ITIH1: variants seen among roughly 807,000 people sequenced by gnomAD.
ITIH1 encodes inter-alpha-trypsin inhibitor heavy chain 1.
Under a neutral mutation model 104.6 loss-of-function variants are expected in ITIH1, and 94 were observed. That is an observed-to-expected ratio of 0.90 (90% CI 0.76 to 1.07). ITIH1 has a LOEUF of 1.07. Ranked by LOEUF, ITIH1 falls within the 50% of genes least tolerant of loss-of-function variation. The probability of loss-of-function intolerance (pLI) is 0.00; values close to 1 mark genes in which losing one functional copy is unlikely to be tolerated. For synonymous variants in ITIH1, 455 were observed against 464.4 expected (o/e 0.98, Z 0.26); for missense variants, 1,193 against 1,181.4 (o/e 1.01, Z -0.14).
intron 2 of ITIH1, 95 bp downstream of exon 2, chr3:52,778,112 C>T: frequency 1.4e-6 from 2 of 1,396,540 alleles, no homozygotes; most frequent in Non-Finnish European, 2.0e-6. Context: ...CTATCAGGGC[C>T]ATAGGCATGG....
In ITIH1 at chr3:52,779,817, C is replaced by G; in HGVS notation, c.573+223C>G. 8.6e-7 allele frequency: 1 copy of G among 1,168,196 alleles called. No homozygotes were observed. 72.4% of individuals were successfully genotyped at this position (1,168,196 alleles called of 1,614,324 possible). ...AGCTTCGGTTTGCTCATCTGCTAGA[C>G]GGGGGGTTTCTGTGAGTCCCAGGAC... On this transcript the variant is annotated intron_variant, in intron 5 of 21. Coordinates refer to ENST00000273283, the MANE Select transcript of ITIH1 (RefSeq NM_002215.4). The surrounding 1 kb of genome is among the most constrained non-coding windows in gnomAD (Gnocchi z 4.4).
rs748842149 is a variant in ITIH1 at position 52,778,042 on chromosome 3, G to A, written c.138+25G>A. ...CGTGAGTAAGAGTCCTGGCAAAGGG[G>A]TCTGTGACAGAGCCCTTTTTACAGG... On this transcript the variant is annotated intron_variant, in intron 2 of 21. Transcript: ENST00000273283. 90 of 1,613,236 alleles carry A rather than the reference G, an allele frequency of 5.6e-5. 1 individual carries two copies. Among genetic ancestry groups the A allele is most frequent in the Non-Finnish European group, 6.9e-5 (81 of 1,179,246 alleles).
chr3:52,781,264 T>G (rs1408481398), intron 6 of ITIH1, among the ~76,000 whole-genome samples: 26 of 132,464 alleles, frequency 2.0e-4, no homozygotes, highest in East Asian at 4.3e-4. Context: ...TTCTTCTTCT[T>G]CTTCTTCTTC....
chr3:52,788,066 G>T lies in ITIH1; in HGVS notation c.2005G>T (p.Val669Leu), dbSNP rs746112878. 6.2e-7 allele frequency: 1 copy of T among 1,601,522 alleles called. No individual in the cohort carries two copies. The highest frequency in any genetic ancestry group is 8.5e-7 in the Non-Finnish European group (1 of 1,173,280). Reference sequence around the variant, plus strand: ...GCGGCTGCCAGACCGAGTGACCGGCGGTGAGTCCTTGGAAGGGTCTGAGGG... The same window carrying T: ...GCGGCTGCCAGACCGAGTGACCGGCTGTGAGTCCTTGGAAGGGTCTGAGGG... ...TQRLPDRVTG[V>L]DTDPHFIIHV... The change falls in exon 17 of 22, where the codon GTG becomes TTG. Residue 669 changes from valine to leucine, a missense_variant and splice_region_variant. Transcript: ENST00000273283.
intron 16 of ITIH1, 50 bp downstream of exon 16, chr3:52,787,662 T>A (rs1298478039): frequency 2.5e-6 from 4 of 1,597,384 alleles, no homozygotes; most frequent in Non-Finnish European, 3.4e-6. Flanking sequence ...TCCTTGATGA[T>A]CACCCCGTTG....
In ITIH1 at chr3:52,791,583, C is replaced by T; in HGVS notation, c.2561C>T (p.Pro854Leu). 6.2e-7 allele frequency: 1 copy of T among 1,614,168 alleles called. No homozygotes were observed. The highest frequency in any genetic ancestry group is 8.5e-7 in the Non-Finnish European group (1 of 1,180,034). ...CACCCAGGCTCTGACCCCACAAAGC[C>T]AGATGCCACGATGGTGGTGAGGAAC... ...DIHPGSDPTK[P>L]DATMVVRNRR... The change falls in exon 21 of 22, where the codon CCA becomes CTA. Residue 854 changes from proline to leucine, a missense_variant. Physicochemically the swap from Pro to Leu is moderately conservative, Grantham distance 98 (BLOSUM62 -3). Coordinates refer to ENST00000273283, the MANE Select transcript of ITIH1 (RefSeq NM_002215.4).
Position 52,790,831 on chromosome 3 carries a change from G to C in ITIH1, c.2404G>C (p.Val802Leu). ...GGTFEVVLHR[V>L]WKGSSVHQDF... ...CACCTTTGAGGTTGTTTTGCACCGAGTGTGGAAGGGGAGCTCGGTCCACCA... is the reference window on the plus strand; with the variant it reads ...CACCTTTGAGGTTGTTTTGCACCGACTGTGGAAGGGGAGCTCGGTCCACCA... Residue 802 changes from valine to leucine, a missense_variant, in exon 20 of 22, where the codon GTG becomes CTG. Physicochemically the swap from Val to Leu is conservative, Grantham distance 32. Coordinates refer to ENST00000273283, the MANE Select transcript of ITIH1 (RefSeq NM_002215.4). 1 of 1,613,226 alleles carries C rather than the reference G, an allele frequency of 6.2e-7. No homozygotes were observed. The highest frequency in any genetic ancestry group is 8.5e-7 in the Non-Finnish European group (1 of 1,179,640).
intron 10 of ITIH1, 80 bp downstream of exon 10, chr3:52,783,419 C>A: frequency 2.7e-6 from 4 of 1,494,492 alleles, no homozygotes; most frequent in South Asian, 1.2e-5. Context: ...GGAAACCCAA[C>A]CATTGGAGAT....
In ITIH1 at chr3:52,790,730, C is replaced by T. The variant is rs368879840; in HGVS notation, c.2322-19C>T. On this transcript the variant is annotated intron_variant, in intron 19 of 21. Transcript: ENST00000273283. ...TGCAGTGCAGCCGCACCTGCCCTCT[C>T]GGCCACCTGGCTCTGCAGGGTGGTG... 1.8e-5 allele frequency: 29 copies of T among 1,605,620 alleles called. No individual in the cohort carries two copies. The highest frequency in any genetic ancestry group is 1.7e-4 in the Middle Eastern group (1 of 6,042).
At position 52,779,756 on chromosome 3, in the gene ITIH1, A is replaced by G. The variant is rs1698990178; in HGVS notation, c.573+162A>G. 9.6e-7 allele frequency: 1 copy of G among 1,039,400 alleles called. No individual in the cohort carries two copies. Among genetic ancestry groups the G allele is most frequent in the Non-Finnish European group, 1.4e-6 (1 of 706,374 alleles). 64.4% of individuals were successfully genotyped at this position (1,039,400 alleles called of 1,614,324 possible). A position where few individuals can be genotyped will look rare whatever the true frequency, so the allele number is the denominator to read the frequency against. ...TCTGATGTGCTCTTCTTGGGCAGGGAACTCCCTGAATTCTCTAACTTCCTC... is the reference window on the plus strand; with the variant it reads ...TCTGATGTGCTCTTCTTGGGCAGGGGACTCCCTGAATTCTCTAACTTCCTC... On this transcript the variant is annotated intron_variant, in intron 5 of 21. Transcript: ENST00000273283. This position sits in a 1 kb window ranked among gnomAD's most constrained non-coding sequence, Gnocchi z 4.4.
At position 52,787,051 on chromosome 3, in the gene ITIH1, A is replaced by C; in HGVS notation, c.1840A>C (p.Met614Leu). 1 of 1,614,192 alleles carries C rather than the reference A, an allele frequency of 6.2e-7. No homozygotes were observed. Among genetic ancestry groups the C allele is most frequent in the East Asian group, 2.2e-5 (1 of 44,880 alleles). ...ACTGACCTCCATGAGCATCAGGGGCATGGCGGACCAGGACGGCCTGAAGCC... is the reference window on the plus strand; with the variant it reads ...ACTGACCTCCATGAGCATCAGGGGCCTGGCGGACCAGGACGGCCTGAAGCC... The part of the protein sequence containing the change: ...TPLTSMSIRG[M>L]ADQDGLKPTI... The change falls in exon 14 of 22, where the codon ATG becomes CTG. Residue 614 changes from methionine (M) to leucine (L), a missense_variant. Transcript: ENST00000273283.
Position 52,779,598 on chromosome 3 carries a change from G to T in ITIH1, c.573+4G>T, listed in dbSNP as rs765774867. 1.9e-6 allele frequency: 3 copies of T among 1,614,168 alleles called. No individual in the cohort carries two copies. The highest frequency in any genetic ancestry group is 1.7e-5 in the Admixed American group (1 of 60,028). ...GCAGCTGGTGCATCATTTTGAGGTA[G>T]ATCACAGGTCCCGGGGCAGGGGTCC... On this transcript the variant is annotated splice_donor_region_variant and intron_variant, in intron 5 of 21. Transcript: ENST00000273283. This position sits in a 1 kb window ranked among gnomAD's most constrained non-coding sequence, Gnocchi z 4.4.
chr3:52,789,293 G>A (rs536751654), intron 18 of ITIH1, among the ~76,000 whole-genome samples: 11 of 152,248 alleles, frequency 7.2e-5, no homozygotes, highest in African/African-American at 2.6e-4. Flanking sequence ...CCAGGTCAGC[G>A]GAGACCTCTG....
intron 16 of ITIH1, 174 bp from the exon 17 acceptor site, chr3:52,787,812 A>G: frequency 1.1e-6 from 1 of 907,482 alleles, no homozygotes; most frequent in Admixed American, 1.8e-5. Flanking sequence ...TGCCAGGCCA[A>G]GCTTCTGTCC....
chr3:52,782,416 A>G (rs752413755), intron 8 of ITIH1, 149 bp downstream of exon 8: 6 of 663,468 alleles, frequency 9.0e-6, no homozygotes, highest in South Asian at 1.8e-5. Context: ...AGTGGTTAGC[A>G]TCTCTGGAAT....
chr3:52,786,065 G>A (rs1699187858), intron 12 of ITIH1, among the ~76,000 whole-genome samples: 1 of 152,198 alleles, frequency 6.6e-6, no homozygotes, highest in Admixed American at 6.5e-5. Context: ...ACAAGGCAGG[G>A]CCTGGTTCTC....
chr3:52,781,210 T>A (rs1255308049), intron 6 of ITIH1, among the ~76,000 whole-genome samples: 4 of 21,240 alleles, frequency 1.9e-4, no homozygotes, highest in African/African-American at 5.3e-4. Context: ...TTTTTTTTTT[T>A]CTTCTTCTTC....
Position 52,787,571 on chromosome 3 carries a change from ATATGTCCTTG to A in ITIH1, c.1904-19_1904-10del, listed in dbSNP as rs1483490965. Reference sequence around the variant, plus strand: ...ACCGTGGGTGACACTGTCTTCGATAATATGTCCTTGTCTTCTACAGAGATGCTGGGACCCA... The same window carrying A: ...ACCGTGGGTGACACTGTCTTCGATAATCTTCTACAGAGATGCTGGGACCCA... On this transcript the variant is annotated splice_polypyrimidine_tract_variant and intron_variant, in intron 15 of 21. Coordinates refer to ENST00000273283, the MANE Select transcript of ITIH1 (RefSeq NM_002215.4). The A allele has an allele frequency of 1.2e-6, 2 of 1,614,114 alleles. No individual in the cohort carries two copies. The highest frequency in any genetic ancestry group is 1.7e-6 in the Non-Finnish European group (2 of 1,179,968).
In ITIH1 at chr3:52,783,326, C is replaced by T. The variant is rs142023731; in HGVS notation, c.1212C>T (p.Gly404=). Residue 404 remains glycine (G), a synonymous_variant, in exon 10 of 22, where the codon GGC becomes GGT. Transcript: ENST00000273283. ...HASILIMLTD[G]DPTEGVTDRS... ...CAATACTCATCATGTTGACAGATGG[C>T]GATCCCACAGAGGGTAAGCACCTTG... The T allele has an allele frequency of 1.4e-3, 2,296 of 1,613,954 alleles. 4 individuals carry two copies. Among genetic ancestry groups the T allele is most frequent in the Non-Finnish European group, 1.6e-3 (1,930 of 1,179,986 alleles).
Sources: gnomAD v4.1 joint callset for allele counts (sites outside exome capture counted in the v4.1 genomes callset) on GRCh38, gnomAD v4.1.1 for gene constraint, Gnocchi (gnomAD v3.1) non-coding constraint, MANE v1.5 for transcripts, NCBI Gene and HGNC (gene_info 2026-07-23, HGNC 2026-07-21) for gene names.